WWOX: variants seen among roughly 807,000 people sequenced by gnomAD.
WWOX encodes WW domain-containing oxidoreductase.
In WWOX, 69 loss-of-function variants were observed where a neutral mutation model predicts 46.2. The ratio of observed to expected loss-of-function variants is 1.49; its 90% confidence interval spans 1.23 to 1.82. The LOEUF (loss-of-function observed/expected upper bound fraction) is 1.82. Among genes scored for constraint, WWOX ranks in the 40% most tolerant of loss-of-function variants. The pLI, the probability that WWOX is intolerant of heterozygous loss-of-function variation, is 0.00. For missense variants in WWOX, 919 were observed against 542.6 expected (o/e 1.69, Z -6.89); for synonymous variants, 359 against 202.6 (o/e 1.77, Z -6.56).
intron 8 of WWOX, among the ~76,000 whole-genome samples, chr16:79,193,092 G>C (rs1045472243): frequency 6.6e-6 from 1 of 152,164 alleles, no homozygotes; most frequent in African/African-American, 2.4e-5. Context: ...TGATCCCAGG[G>C]GCAAGGCCAG....
At chr16:79,007,347 G>A (rs1270173617) in intron 8 of WWOX, among the ~76,000 whole-genome samples, 1 of 152,204 alleles carries the variant, frequency 6.6e-6, no homozygotes, top group Admixed American at 6.5e-5. Flanking sequence ...CTCATGATGT[G>A]AAGAACTGGA....
At chr16:78,881,130 C>A (rs1486720926) in intron 8 of WWOX, among the ~76,000 whole-genome samples, 4 of 151,652 alleles carry the variant, frequency 2.6e-5, no homozygotes, top group Admixed American at 2.6e-4. Flanking sequence ...GGAGCTGGGA[C>A]CACAGGGGCA....
chr16:78,716,846 T>A (rs1415518998), intron 8 of WWOX, among the ~76,000 whole-genome samples: 2 of 152,220 alleles, frequency 1.3e-5, no homozygotes, highest in Non-Finnish European at 1.5e-5. Flanking sequence ...CAACCACAGC[T>A]GTGTGCAGCT....
intron 5 of WWOX, among the ~76,000 whole-genome samples, chr16:78,249,206 A>G (rs933575147): frequency 6.6e-6 from 1 of 152,120 alleles, no homozygotes; most frequent in Non-Finnish European, 1.5e-5. Flanking sequence ...GTCTTTCCCA[A>G]GCTCATGGAG....
At chr16:78,777,789 G>A (rs531043066) in intron 8 of WWOX, among the ~76,000 whole-genome samples, 2 of 152,254 alleles carry the variant, frequency 1.3e-5, no homozygotes, top group South Asian at 2.1e-4. Flanking sequence ...GCTCACGCCT[G>A]TAATCCCAGC....
chr16:79,198,844 T>C (rs1197685100), intron 8 of WWOX, among the ~76,000 whole-genome samples: 1 of 152,220 alleles, frequency 6.6e-6, no homozygotes, highest in Non-Finnish European at 1.5e-5. Flanking sequence ...TAGTCTTTGT[T>C]GTTGAAAGGT....
chr16:78,355,446 C>CA (rs1382082254), intron 5 of WWOX: 1 of 315,048 alleles, frequency 3.2e-6, no homozygotes, highest in African/African-American at 2.3e-5. Context: ...ACTAAAAGTA[C>CA]AAAAAATTAG....
intron 5 of WWOX, among the ~76,000 whole-genome samples, chr16:78,288,254 A>C (rs1321484847): frequency 6.9e-6 from 1 of 145,828 alleles, no homozygotes; most frequent in East Asian, 2.1e-4. Flanking sequence ...GTGATGAATT[A>C]TTTATGAGTT....
chr16:78,467,324 C>T (rs1841023769), intron 8 of WWOX, among the ~76,000 whole-genome samples: 1 of 151,952 alleles, frequency 6.6e-6, no homozygotes. Flanking sequence ...TCTATATATA[C>T]ATGTATGCGC....
chr16:78,870,896 C>G (rs1440917629), intron 8 of WWOX, among the ~76,000 whole-genome samples: 1 of 152,166 alleles, frequency 6.6e-6, no homozygotes, highest in Non-Finnish European at 1.5e-5. Context: ...GCCACCATGC[C>G]CGGCCTAATC....
intron 8 of WWOX, among the ~76,000 whole-genome samples, chr16:79,179,128 A>C (rs2050859454): frequency 6.6e-6 from 1 of 152,212 alleles, no homozygotes; most frequent in Non-Finnish European, 1.5e-5. Flanking sequence ...GAAACTCATC[A>C]TCTCATTTAA....
chr16:78,517,855 ATTTTT>A (rs11342538), intron 8 of WWOX, among the ~76,000 whole-genome samples: 19 of 86,396 alleles, frequency 2.2e-4, no homozygotes, highest in African/African-American at 6.9e-4. Flanking sequence ...TACACAACCT[ATTTTT>A]TTTTTTTTTT....
chr16:78,118,419 G>T (rs1472168278), intron 4 of WWOX, among the ~76,000 whole-genome samples: 1 of 152,084 alleles, frequency 6.6e-6, no homozygotes, highest in African/African-American at 2.4e-5. Flanking sequence ...AGGTATTACC[G>T]CTGCTGACTG....
intron 1 of WWOX, among the ~76,000 whole-genome samples, chr16:78,100,901 A>G (rs969714381): frequency 5.3e-5 from 8 of 152,194 alleles, no homozygotes; most frequent in Non-Finnish European, 1.2e-4. Flanking sequence ...GCCGACTCTC[A>G]ACTTTGGGAG....
intron 8 of WWOX, among the ~76,000 whole-genome samples, chr16:78,526,848 C>G (rs2043482191): frequency 6.6e-6 from 1 of 152,170 alleles, no homozygotes; most frequent in African/African-American, 2.4e-5. Flanking sequence ...AGGAGCCAGC[C>G]TGGCCTGGTC....
chr16:78,928,676 TA>T (rs1411071593), intron 8 of WWOX, among the ~76,000 whole-genome samples: 1 of 151,798 alleles, frequency 6.6e-6, no homozygotes, highest in East Asian at 1.9e-4. Context: ...AAAAAAATAA[TA>T]GGAAAGAAAA....
At chr16:78,789,588 C>G (rs544468571) in intron 8 of WWOX, among the ~76,000 whole-genome samples, 15 of 152,088 alleles carry the variant, frequency 9.9e-5, no homozygotes, top group Admixed American at 2.0e-4. Flanking sequence ...TGTGAATTCT[C>G]CAACTTTGTT....
chr16:78,496,088 T>A (rs2084912309), intron 8 of WWOX: 1 of 152,192 alleles, frequency 6.6e-6, no homozygotes, highest in African/African-American at 2.4e-5. Context: ...AGGCTATTTT[T>A]CCACCTGGTA....
At chr16:78,401,490 G>T (rs1055908499) in intron 6 of WWOX, among the ~76,000 whole-genome samples, 8 of 152,046 alleles carry the variant, frequency 5.3e-5, no homozygotes, top group African/African-American at 1.7e-4. Flanking sequence ...GATGAAACTC[G>T]CTGTATCTTG....
Sources: allele counts gnomAD v4.1 joint callset (sites outside exome capture counted in the v4.1 genomes callset), GRCh38; gene constraint gnomAD v4.1.1; transcripts MANE v1.5; gene names NCBI Gene and HGNC (gene_info 2026-07-23, HGNC 2026-07-21).